The following GPHN variants were observed in gnomAD, a reference collection of about 807,000 sequenced individuals.
GPHN encodes gephyrin.
GPHN carries 17 observed loss-of-function variants against 95.5 expected under a neutral mutation model. That is an observed-to-expected ratio of 0.18 (90% CI 0.12 to 0.27). GPHN has a LOEUF of 0.27. GPHN is among the 10% of genes least tolerant of loss of function. The pLI, the probability that GPHN is intolerant of heterozygous loss-of-function variation, is 1.00. For missense variants in GPHN, 660 were observed against 978.1 expected, an observed-to-expected ratio of 0.67 and a Z score of 4.34; for synonymous variants, 320 against 322.5, an observed-to-expected ratio of 0.99 and a Z score of 0.08.
chr14:67,178,987 G>A (rs1029537891), intron 21 of GPHN, among the ~76,000 whole-genome samples: 1 of 152,150 alleles, frequency 6.6e-6, no homozygotes, highest in African/African-American at 2.4e-5. Context: ...CAGGAATGAG[G>A]GAGAAATAAA....
intron 10 of GPHN, among the ~76,000 whole-genome samples, chr14:67,036,847 A>G (rs1324359249): frequency 1.3e-5 from 2 of 151,928 alleles, no homozygotes; most frequent in Non-Finnish European, 2.9e-5. Flanking sequence ...TTGTTAAAAT[A>G]TCCATACTAC....
the GPHN span, among the ~76,000 whole-genome samples, chr14:67,386,735 C>T: frequency 1.3e-5 from 2 of 152,106 alleles, no homozygotes; most frequent in East Asian, 1.9e-4. Context: ...TTTTCGTATA[C>T]GTGATTATGT....
At chr14:66,756,524 A>C (rs556772509) in intron 2 of GPHN, among the ~76,000 whole-genome samples, 4 of 152,194 alleles carry the variant, frequency 2.6e-5, no homozygotes, top group African/African-American at 9.6e-5. Context: ...ATGGATATGG[A>C]GAGTCAACTG....
At chr14:67,387,747 A>G in the GPHN span, among the ~76,000 whole-genome samples, 9 of 152,142 alleles carry the variant, frequency 5.9e-5, no homozygotes, top group African/African-American at 2.2e-4. Flanking sequence ...CTACCATTTC[A>G]TTTACATCAA....
chr14:67,692,421 T>C, the GPHN span: 1 of 1,613,808 alleles, frequency 6.2e-7, no homozygotes, highest in Non-Finnish European at 8.5e-7. Context: ...ACATAGTCTC[T>C]CTAGTTCTAC....
At chr14:67,324,094 T>C in the GPHN span, among the ~76,000 whole-genome samples, 1 of 152,216 alleles carries the variant, frequency 6.6e-6, no homozygotes, top group African/African-American at 2.4e-5. Context: ...CAGCCAACTC[T>C]TCAGGATTAC....
In GPHN at chr14:66,592,547, A is replaced by G. The variant is rs11859400; in HGVS notation, c.64+83956A>G. Among the ~76,000 whole-genome samples, 36 of 152,360 alleles carry G rather than the reference A, an allele frequency of 2.4e-4. No individual in the cohort carries two copies. The East Asian group carries it at 6.9e-3, about 29-fold the overall frequency. ...ATTTGTGTGGCCAAAAAACATATGA[A>G]AAAAGCTCATCATCTTTCGTCACTA... is the stretch of plus-strand genomic sequence containing the variant. On this transcript the variant is annotated intron_variant, in intron 1 of 22. Transcript: ENST00000478722.
chr14:67,336,181 T>C, the GPHN span: 2 of 152,426 alleles, frequency 1.3e-5, no homozygotes, highest in African/African-American at 4.8e-5. Context: ...GGCAAATATA[T>C]AACATATTTT....
chr14:67,493,603 G>T, the GPHN span, among the ~76,000 whole-genome samples: 15 of 152,168 alleles, frequency 9.9e-5, no homozygotes, highest in East Asian at 3.9e-4. Flanking sequence ...AACACTGAGG[G>T]TCAGTGTGCT....
At chr14:67,481,376 G>C in the GPHN span, among the ~76,000 whole-genome samples, 13 of 152,216 alleles carry the variant, frequency 8.5e-5, no homozygotes, top group Non-Finnish European at 1.6e-4. Context: ...CTGGGCAGCA[G>C]GAAGCCATGG....
At chr14:66,586,347 C>A (rs1171529849) in intron 1 of GPHN, among the ~76,000 whole-genome samples, 2 of 152,142 alleles carry the variant, frequency 1.3e-5, no homozygotes, top group African/African-American at 4.8e-5. Context: ...ATCCAGTTTA[C>A]CAGTCTGTGT....
chr14:66,981,547 G>C (rs1234546800), intron 9 of GPHN, among the ~76,000 whole-genome samples: 2 of 152,156 alleles, frequency 1.3e-5, no homozygotes, highest in East Asian at 3.9e-4. Context: ...AGTGATACTG[G>C]TTGGAAAATA....
chr14:66,921,063 G>A (rs1229048931), intron 6 of GPHN, among the ~76,000 whole-genome samples: 1 of 152,296 alleles, frequency 6.6e-6, no homozygotes, highest in Non-Finnish European at 1.5e-5. Flanking sequence ...AAACATGTGT[G>A]TGCAAGTGTC....
chr14:67,584,255 C>T, the GPHN span: 5 of 869,588 alleles, frequency 5.7e-6, no homozygotes, highest in Non-Finnish European at 8.8e-6. Context: ...TCCACTGTTT[C>T]TGGCCTAGTC....
Position 67,047,334 on chromosome 14 carries a change from T to TTGTGTGTGTG in GPHN, c.1007-11295_1007-11286dup, listed in dbSNP as rs778266656. Among the ~76,000 whole-genome samples the TTGTGTGTGTG allele has an allele frequency of 2.1e-3, 232 of 109,684 alleles. 2 individuals carry two copies. The highest frequency in any genetic ancestry group is 5.6e-3 in the African/African-American group (149 of 26,476). 72.0% of individuals were successfully genotyped at this position (109,684 alleles called of 152,430 possible). On this transcript the variant is annotated intron_variant, in intron 10 of 22. Transcript: ENST00000478722. ...TCATTTATTTTGTGTGTGTGTGTGTTTGTGTGTGTGTGTGTGTGTGTGTGT... is the reference window on the plus strand; with the variant it reads ...TCATTTATTTTGTGTGTGTGTGTGTTTGTGTGTGTGTGTGTGTGTGTGTGTGTGTGTGTGT...
chr14:66,628,565 A>AC (rs2063609106), intron 1 of GPHN, among the ~76,000 whole-genome samples: 2 of 152,138 alleles, frequency 1.3e-5, no homozygotes, highest in Non-Finnish European at 2.9e-5. Context: ...TGAGTGAGTG[A>AC]ATGGTGAAGG....
intron 1 of GPHN, among the ~76,000 whole-genome samples, chr14:66,601,245 T>C (rs2140838878): frequency 6.6e-6 from 1 of 152,122 alleles, no homozygotes; most frequent in East Asian, 1.9e-4. Flanking sequence ...TAGTTTGAAA[T>C]AAGTAGCATA....
At chr14:67,070,715 A>AAAAAATATATATATATATATAT in intron 11 of GPHN, among the ~76,000 whole-genome samples, 4 of 80,688 alleles carry the variant, frequency 5.0e-5, no homozygotes, top group East Asian at 4.5e-4. Context: ...AAAAAAAAAA[A>AAAAAATATATATATATATATAT]ATATATATAT....
At chr14:66,800,018 A>G (rs1566958238) in intron 3 of GPHN, among the ~76,000 whole-genome samples, 1 of 151,972 alleles carries the variant, frequency 6.6e-6, no homozygotes, top group Non-Finnish European at 1.5e-5. Context: ...CTTATAACAT[A>G]TTATTTTAAC....
Sources: gnomAD v4.1 joint callset for allele counts (sites outside exome capture counted in the v4.1 genomes callset) on GRCh38, gnomAD v4.1.1 for gene constraint, MANE v1.5 for transcripts, NCBI Gene and HGNC (gene_info 2026-07-23, HGNC 2026-07-21) for gene names.